DOCK4: variants seen among roughly 807,000 people sequenced by gnomAD.
DOCK4 encodes dedicator of cytokinesis 4.
A neutral mutation model predicts 268.1 loss-of-function variants in DOCK4; 97 were observed. That is an observed-to-expected ratio of 0.36 (90% CI 0.31 to 0.43). The LOEUF is 0.43. Ranked by LOEUF, DOCK4 falls within the 20% of genes least tolerant of loss-of-function variation. The pLI is 1.00. For synonymous variants in DOCK4, 954 were observed against 887.2 expected (o/e 1.08, Z -1.34); for missense variants, 2,145 against 2,455.7 (o/e 0.87, Z 2.67).
chr7:112,124,815 G>T (rs1196242126), intron 1 of DOCK4, among the ~76,000 whole-genome samples: 1 of 152,146 alleles, frequency 6.6e-6, no homozygotes, highest in Non-Finnish European at 1.5e-5. Context: ...TATGTTTACT[G>T]ATACATTTCA....
chr7:111,846,919 G>T, intron 24 of DOCK4, 80 bp downstream of exon 24: 1 of 1,454,826 alleles, frequency 6.9e-7, no homozygotes, highest in Non-Finnish European at 9.2e-7. Context: ...TCTTTAGTGC[G>T]GTTTCTTTGT....
At chr7:111,948,669 A>G (rs1795814930) in intron 8 of DOCK4, among the ~76,000 whole-genome samples, 1 of 151,184 alleles carries the variant, frequency 6.6e-6, no homozygotes, top group South Asian at 2.1e-4. Flanking sequence ...ATCTCGGCTC[A>G]TTGCAACCTC....
At chr7:112,015,065 G>C (rs1334382108) in intron 1 of DOCK4, among the ~76,000 whole-genome samples, 1 of 152,286 alleles carries the variant, frequency 6.6e-6, no homozygotes, top group East Asian at 1.9e-4. Flanking sequence ...GTCATAGGAT[G>C]AATTAGGATG....
At chr7:111,746,197 T>A in intron 44 of DOCK4, 137 bp downstream of exon 44, 2 of 611,058 alleles carry the variant, frequency 3.3e-6, no homozygotes, top group Non-Finnish European at 5.6e-6. Context: ...CAAGCTGGGA[T>A]ATATTACAGG....
intron 1 of DOCK4, among the ~76,000 whole-genome samples, chr7:112,061,174 C>A (rs190518006): frequency 2.1e-4 from 32 of 152,276 alleles, no homozygotes; most frequent in Middle Eastern, 3.4e-3. Context: ...ATGAGGACCA[C>A]AGATGTGTAA....
chr7:112,171,646 T>C (rs909591247), intron 1 of DOCK4, among the ~76,000 whole-genome samples: 4 of 152,240 alleles, frequency 2.6e-5, no homozygotes, highest in African/African-American at 4.8e-5. Context: ...TGCACCCCGA[T>C]TGCATCCCTC....
At chr7:112,183,999 T>C (rs770423523) in intron 1 of DOCK4, among the ~76,000 whole-genome samples, 5 of 152,182 alleles carry the variant, frequency 3.3e-5, no homozygotes, top group Non-Finnish European at 5.9e-5. Flanking sequence ...GGCCCCTTCC[T>C]CTGTGCAGAC....
At chr7:111,728,855 T>A in intron 52 of DOCK4, 135 bp from the exon 53 acceptor site, 1 of 771,578 alleles carries the variant, frequency 1.3e-6, no homozygotes, top group Non-Finnish European at 2.0e-6. Flanking sequence ...AGATGCAGCC[T>A]TTAAGGAGGT....
chr7:112,085,911 G>A (rs1028186685), intron 1 of DOCK4, among the ~76,000 whole-genome samples: 2 of 152,064 alleles, frequency 1.3e-5, no homozygotes, highest in Non-Finnish European at 2.9e-5. Flanking sequence ...AAACAGACCA[G>A]AGTCTAATCA....
At chr7:112,157,804 G>A (rs968099184) in intron 1 of DOCK4, among the ~76,000 whole-genome samples, 3 of 152,096 alleles carry the variant, frequency 2.0e-5, no homozygotes, top group African/African-American at 7.2e-5. Flanking sequence ...AGCAGACAAG[G>A]GCCAGGCCAT....
chr7:111,743,710 G>T (rs759127470), intron 44 of DOCK4, among the ~76,000 whole-genome samples: 1 of 152,208 alleles, frequency 6.6e-6, no homozygotes, highest in South Asian at 2.1e-4. Flanking sequence ...ATGCCTGTCA[G>T]GGGGAGGGAC....
intron 1 of DOCK4, among the ~76,000 whole-genome samples, chr7:112,070,860 C>G (rs1470975735): frequency 6.6e-6 from 1 of 152,180 alleles, no homozygotes; most frequent in Non-Finnish European, 1.5e-5. Context: ...TGAGTTTGCT[C>G]AGGTGACCGT....
At chr7:111,733,539 G>A (rs1795257624) in intron 51 of DOCK4, among the ~76,000 whole-genome samples, 1 of 152,162 alleles carries the variant, frequency 6.6e-6, no homozygotes, top group African/African-American at 2.4e-5. Flanking sequence ...GATCCTGACG[G>A]AGAACTATGT....
intron 8 of DOCK4, among the ~76,000 whole-genome samples, chr7:111,956,122 G>C (rs1796428630): frequency 6.6e-6 from 1 of 152,110 alleles, no homozygotes; most frequent in Non-Finnish European, 1.5e-5. Flanking sequence ...TATATCATTT[G>C]ATCATTGTAA....
At chr7:111,834,763 T>C (rs1803106714) in intron 25 of DOCK4, 77 bp from the exon 26 acceptor site, 8 of 971,902 alleles carry the variant, frequency 8.2e-6, no homozygotes, top group Non-Finnish European at 1.2e-5. Context: ...TACACTGAAC[T>C]GTCCTCAAAG....
rs192779956 is a variant in DOCK4 at position 111,904,812 on chromosome 7, G to C, written c.1193-3011C>G. On this transcript the variant is annotated intron_variant, in intron 13 of 52. Transcript: ENST00000428084. ...TAGGGTAAAGGTGGGTAAATGAGAG[G>C]TGGTAGGAGAGACAACACTACTTTG... Among the ~76,000 whole-genome samples, 377 of 152,234 alleles carry C rather than the reference G, an allele frequency of 2.5e-3. 1 individual carries two copies. The highest frequency in any genetic ancestry group is 6.8e-3 in the Middle Eastern group (2 of 294).
At position 111,944,397 on chromosome 7, in the gene DOCK4, C is replaced by T. The variant is rs574671604; in HGVS notation, c.844+414G>A. Among the ~76,000 whole-genome samples the T allele has an allele frequency of 1.4e-4, 22 of 152,182 alleles. No individual in the cohort carries two copies. The South Asian group carries it at 4.2e-3, about 29-fold the overall frequency. On this transcript the variant is annotated intron_variant, in intron 10 of 52. Transcript: ENST00000428084. ...TTGTAGCACCTTCTGGAATAACGCT[C>T]TGAAGCATTCTGCACTTTGGAAAAT...
chr7:111,957,847 C>T (rs1252157374), intron 8 of DOCK4, among the ~76,000 whole-genome samples: 1 of 152,138 alleles, frequency 6.6e-6, no homozygotes, highest in Non-Finnish European at 1.5e-5. Context: ...AAGATGCAGT[C>T]TCTATTTAAT....
intron 23 of DOCK4, among the ~76,000 whole-genome samples, chr7:111,854,883 A>G (rs573407847): frequency 3.3e-5 from 5 of 152,236 alleles, no homozygotes; most frequent in Non-Finnish European, 7.3e-5. Flanking sequence ...GACGTTAATC[A>G]ATGAAATACC....
Sources: allele counts gnomAD v4.1 joint callset (sites outside exome capture counted in the v4.1 genomes callset), GRCh38; gene constraint gnomAD v4.1.1; transcripts MANE v1.5; gene names NCBI Gene and HGNC (gene_info 2026-07-23, HGNC 2026-07-21).